The following LARGE1 variants were observed in gnomAD, a reference collection of about 807,000 sequenced individuals.
The protein encoded by LARGE1 is LARGE xylosyl- and glucuronyltransferase 1.
LARGE1 carries 43 observed loss-of-function variants against 87.6 expected under a neutral mutation model. The ratio of observed to expected loss-of-function variants is 0.49; its 90% CI spans 0.38 to 0.63. LARGE1 has a LOEUF of 0.63. Ranked by LOEUF, LARGE1 falls within the 30% of genes least tolerant of loss-of-function variation. LARGE1 has a pLI of 0.00. For missense variants in LARGE1, 802 were observed against 1,000.2 expected, an observed-to-expected ratio of 0.80 and a Z score of 2.67; for synonymous variants, 434 against 394.6, an observed-to-expected ratio of 1.10 and a Z score of -1.18.
At chr22:33,666,658 A>C (rs2081275277) in intron 2 of LARGE1, among the ~76,000 whole-genome samples, 1 of 152,152 alleles carries the variant, frequency 6.6e-6, no homozygotes, top group Admixed American at 6.5e-5. Flanking sequence ...ACACAGGAGG[A>C]ATCAGAAATC....
At chr22:33,401,064 C>T (rs1167601168) in intron 7 of LARGE1, among the ~76,000 whole-genome samples, 1 of 152,086 alleles carries the variant, frequency 6.6e-6, no homozygotes, top group Non-Finnish European at 1.5e-5. Flanking sequence ...TGTGTTTCTC[C>T]CTCGCACACT....
the LARGE1 span, among the ~76,000 whole-genome samples, chr22:33,147,006 T>C: frequency 4.6e-5 from 7 of 152,302 alleles, no homozygotes; most frequent in East Asian, 1.2e-3. Context: ...ATAAAATCTT[T>C]TGTGTCCAGT....
intron 2 of LARGE1, among the ~76,000 whole-genome samples, chr22:33,667,123 G>GCACCGACGTGCACA (rs1296687180): frequency 6.6e-6 from 1 of 152,206 alleles, no homozygotes; most frequent in Admixed American, 6.5e-5. Context: ...CCCGGTGCAT[G>GCACCGACGTGCACA]CACCCACGTG....
rs907353257 is a variant in LARGE1 at position 33,283,117 on chromosome 22, C to T, written c.1877+85G>A. 5.8e-6 allele frequency: 9 copies of T among 1,563,040 alleles called. No individual in the cohort carries two copies. The Admixed American group carries it at 1.5e-4, about 26-fold the overall frequency. ...TGGACTAAGGCGAGCGACAAACTTCCAGATCGATAGCTTTGGCATCTGGGT... is the reference window on the plus strand; with the variant it reads ...TGGACTAAGGCGAGCGACAAACTTCTAGATCGATAGCTTTGGCATCTGGGT... On this transcript the variant is annotated intron_variant, in intron 13 of 14. Coordinates refer to ENST00000397394, the MANE Select transcript of LARGE1 (RefSeq NM_133642.5).
chr22:33,650,501 A>C lies in LARGE1; in HGVS notation c.274T>G (p.Ser92Ala), dbSNP rs2080763416. The change falls in exon 3 of 15, where the codon TCC (serine) becomes GCC (alanine). Residue 92 changes from serine to alanine, a missense_variant. Transcript: ENST00000397394. ...QLSLAQGRAP[S>A]HRRGNHSKTY... is the part of the protein sequence containing the mutation. ...TTGGAGTGGTTGCCTCGGCGATGGGATGGGGCTCGGCCCTGGGCCAGGCTG... is the reference window on the plus strand; with the variant it reads ...TTGGAGTGGTTGCCTCGGCGATGGGCTGGGGCTCGGCCCTGGGCCAGGCTG... 6.2e-7 allele frequency: 1 copy of C among 1,613,374 alleles called. No homozygotes were observed. Among genetic ancestry groups the C allele is most frequent in the African/African-American group, 1.3e-5 (1 of 75,038 alleles).
chr22:33,200,909 A>T (rs535565546), intron 11 of LARGE1, among the ~76,000 whole-genome samples: 1 of 152,326 alleles, frequency 6.6e-6, no homozygotes, highest in East Asian at 1.9e-4. Flanking sequence ...AGCTTTGTGA[A>T]TATCCTAAAA....
intron 11 of LARGE1, among the ~76,000 whole-genome samples, chr22:33,255,415 G>A (rs1927213072): frequency 6.6e-6 from 1 of 152,210 alleles, no homozygotes; most frequent in African/African-American, 2.4e-5. Context: ...ACCAAATGCT[G>A]GAGAGGCTTC....
chr22:33,204,539 A>C (rs1924586806), intron 11 of LARGE1, among the ~76,000 whole-genome samples: 1 of 152,222 alleles, frequency 6.6e-6, no homozygotes, highest in Non-Finnish European at 1.5e-5. Flanking sequence ...AATTAATCAA[A>C]GTCAAGCACT....
chr22:33,852,611 C>T (rs1239233918), intron 1 of LARGE1, among the ~76,000 whole-genome samples: 10 of 151,930 alleles, frequency 6.6e-5, no homozygotes, highest in African/African-American at 2.4e-4. Context: ...CTTTTGGAGG[C>T]CAAGGCGGGC....
At chr22:33,756,507 A>G (rs1212303130) in intron 2 of LARGE1, among the ~76,000 whole-genome samples, 1 of 152,190 alleles carries the variant, frequency 6.6e-6, no homozygotes, top group Admixed American at 6.5e-5. Context: ...CTGAGACCCA[A>G]GGATCTAGGC....
chr22:33,771,309 C>A (rs75911645), intron 1 of LARGE1, among the ~76,000 whole-genome samples: 1 of 151,962 alleles, frequency 6.6e-6, no homozygotes, highest in African/African-American at 2.4e-5. Context: ...GAAAATCCAA[C>A]GCTTCAGATG....
chr22:33,309,276 C>T (rs960660004), intron 11 of LARGE1, among the ~76,000 whole-genome samples: 2 of 151,912 alleles, frequency 1.3e-5, no homozygotes. Context: ...AAGCGATTTT[C>T]CTGTCTCAGC....
intron 6 of LARGE1, among the ~76,000 whole-genome samples, chr22:33,502,816 C>T (rs2070536355): frequency 6.6e-6 from 1 of 152,228 alleles, no homozygotes; most frequent in Admixed American, 6.5e-5. Flanking sequence ...ATCTGCCCAC[C>T]TCAGCCTCCC....
intron 7 of LARGE1, among the ~76,000 whole-genome samples, chr22:33,405,500 G>A (rs908623851): frequency 6.6e-6 from 1 of 152,100 alleles, no homozygotes; most frequent in African/African-American, 2.4e-5. Context: ...AATTACTTTA[G>A]GGAGTAATCA....
intron 11 of LARGE1, among the ~76,000 whole-genome samples, chr22:33,267,232 CCT>C (rs1602173067): frequency 6.6e-6 from 1 of 151,686 alleles, no homozygotes; most frequent in Admixed American, 6.6e-5. Context: ...CAGAGGGGAC[CCT>C]GTCTCAAAAG....
intron 1 of LARGE1, among the ~76,000 whole-genome samples, chr22:33,786,650 C>T (rs1297593508): frequency 6.6e-6 from 1 of 152,224 alleles, no homozygotes; most frequent in African/African-American, 2.4e-5. Context: ...TCAGGTCTCA[C>T]TCAGCTTAAT....
At chr22:33,128,491 A>G in the LARGE1 span, among the ~76,000 whole-genome samples, 9 of 152,112 alleles carry the variant, frequency 5.9e-5, no homozygotes, top group Non-Finnish European at 1.0e-4. Flanking sequence ...ACTGGCCAAC[A>G]TGGTGAAACC....
At chr22:33,617,342 C>A (rs1278527783) in intron 4 of LARGE1, among the ~76,000 whole-genome samples, 1 of 152,174 alleles carries the variant, frequency 6.6e-6, no homozygotes, top group Non-Finnish European at 1.5e-5. Context: ...CAGAGCCCTG[C>A]AAATTCCAAA....
chr22:33,605,308 G>A (rs1035339682), intron 4 of LARGE1, among the ~76,000 whole-genome samples: 1 of 152,106 alleles, frequency 6.6e-6, no homozygotes, highest in Non-Finnish European at 1.5e-5. Flanking sequence ...AACACTTTCA[G>A]TTAGGAGCTG....
Sources: allele counts gnomAD v4.1 joint callset (sites outside exome capture counted in the v4.1 genomes callset), GRCh38; gene constraint gnomAD v4.1.1; transcripts MANE v1.5; gene names NCBI Gene and HGNC (gene_info 2026-07-23, HGNC 2026-07-21).